The following POLRMT variants were observed in gnomAD, a reference collection of about 807,000 sequenced individuals.
POLRMT encodes the protein DNA-directed RNA polymerase, mitochondrial.
In POLRMT, 114 loss-of-function variants were observed where a neutral mutation model predicts 132.2. The ratio of observed to expected loss-of-function variants is 0.86; its 90% CI spans 0.74 to 1.01. The LOEUF (loss-of-function observed/expected upper bound fraction) is 1.01. Ranked by LOEUF, POLRMT falls within the 50% of genes least tolerant of loss-of-function variation. The pLI is 0.00. For missense variants in POLRMT, 2,003 were observed against 1,729.1 expected (o/e 1.16, Z -2.81); for synonymous variants, 1,020 against 773.4 (o/e 1.32, Z -5.29).
intron 2 of POLRMT, among the ~76,000 whole-genome samples, chr19:631,763 G>A (rs1483223604): frequency 6.6e-6 from 1 of 152,156 alleles, no homozygotes; most frequent in African/African-American, 2.4e-5. Context: ...TTGTTTTTGA[G>A]ATGGAATTTC....
Position 621,615 on chromosome 19 carries a change from C to T in POLRMT, c.2083G>A (p.Ala695Thr), listed in dbSNP as rs1471703426. 4.6e-6 allele frequency: 7 copies of T among 1,513,874 alleles called. No homozygotes were observed. The highest frequency in any genetic ancestry group is 1.2e-5 in the South Asian group (1 of 80,246). 93.8% of individuals were successfully genotyped at this position (1,513,874 alleles called of 1,614,324 possible). A position where few individuals can be genotyped will look rare whatever the true frequency, so the allele number is the denominator to read the frequency against. Residue 695 changes from alanine (A) to threonine (T), a missense_variant, in exon 10 of 21, where the codon GCA (alanine) becomes ACA (threonine). By Grantham distance (58) the Ala-to-Thr change is moderately conservative. Coordinates refer to ENST00000588649, the MANE Select transcript of POLRMT (RefSeq NM_005035.4). ...CCCAGTTGGGTGAGGGCGTCCAGTGCGCCATGCAGCGCGGTGGGCGGGCAG... is the reference window on the plus strand; with the variant it reads ...CCCAGTTGGGTGAGGGCGTCCAGTGTGCCATGCAGCGCGGTGGGCGGGCAG... ...ETCPPTALHG[A>T]LDALTQLGNC...
intron 11 of POLRMT, 42 bp downstream of exon 11, chr19:620,323 T>TGCAC (rs1568165241): frequency 1.3e-6 from 2 of 1,521,520 alleles, no homozygotes; most frequent in Non-Finnish European, 1.8e-6. Flanking sequence ...CCAGGCCCAG[T>TGCAC]GCACACTGCA....
intron 7 of POLRMT, 29 bp downstream of exon 7, chr19:622,792 G>C (rs545814555): frequency 1.3e-5 from 21 of 1,573,142 alleles, no homozygotes; most frequent in African/African-American, 4.1e-5. Context: ...GCCCCGCCCG[G>C]GGACCCGGCC....
intron 13 of POLRMT, 125 bp downstream of exon 13, chr19:619,461 C>T (rs1375071544): frequency 4.3e-6 from 6 of 1,409,116 alleles, no homozygotes; most frequent in Non-Finnish European, 5.9e-6. Flanking sequence ...CAAGCCCTAA[C>T]AGGCAGCCAG....
At position 622,530 on chromosome 19, in the gene POLRMT, G is replaced by C. The variant is rs1023565934; in HGVS notation, c.1626+52C>G. 2.6e-6 allele frequency: 4 copies of C among 1,531,560 alleles called. No homozygotes were observed. In the Admixed American group the frequency reaches 5.9e-5, roughly 23 times the overall value. The allele number at this position is 1,531,560 out of a possible 1,614,324, so 94.9% of individuals were successfully genotyped here. A position where few individuals can be genotyped will look rare whatever the true frequency, so the allele number is the denominator to read the frequency against. ...AACCCGGCTGCTCCAGGGAGGGAGA[G>C]CGCCCACCCACCACTGGCCCCAGCC... is the stretch of plus-strand genomic sequence containing the variant. On this transcript the variant is annotated intron_variant, in intron 8 of 20. Transcript: ENST00000588649.
At position 619,160 on chromosome 19, in the gene POLRMT, G is replaced by A. The variant is rs368169233; in HGVS notation, c.3153+50C>T. 1.6e-5 allele frequency: 26 copies of A among 1,609,508 alleles called. No individual in the cohort carries two copies. The Middle Eastern group carries it at 5.0e-4, about 31-fold the overall frequency. On this transcript the variant is annotated intron_variant, in intron 14 of 20. Transcript: ENST00000588649. ...GCAGGGGGCTCAGGCCGGGGATCCC[G>A]TCCACTTGCTTAGGGAGTCCTGGCC...
rs1004516760 is a variant in POLRMT, at chr19:618,483, C to G, written c.3422+5G>C. 6.3e-7 allele frequency: 1 copy of G among 1,593,728 alleles called. No individual in the cohort carries two copies. Among genetic ancestry groups the G allele is most frequent in the African/African-American group, 1.3e-5 (1 of 74,462 alleles). Reference sequence around the variant, plus strand: ...GCGGCACCCACGCCGTCCGGAGACGCCCACCTGTAGCAGTGCAGGGCGGTG... The same window carrying G: ...GCGGCACCCACGCCGTCCGGAGACGGCCACCTGTAGCAGTGCAGGGCGGTG... On this transcript the variant is annotated splice_donor_5th_base_variant and intron_variant, in intron 17 of 20. Coordinates refer to ENST00000588649, the MANE Select transcript of POLRMT (RefSeq NM_005035.4).
chr19:628,733 G>A (rs1468038654), intron 3 of POLRMT, among the ~76,000 whole-genome samples: 10 of 152,236 alleles, frequency 6.6e-5, no homozygotes, highest in South Asian at 2.1e-4. Flanking sequence ...GGCCGGATAC[G>A]GTGGCTCACG....
At position 633,530 on chromosome 19, in the gene POLRMT, G is replaced by GCGCCGCCGCCGCCC. The variant is rs769743605; in HGVS notation, c.-19_-18insGGGCGGCGGCGGCG. 1 of 1,319,224 alleles carries GCGCCGCCGCCGCCC rather than the reference G, an allele frequency of 7.6e-7. No homozygotes were observed. Among genetic ancestry groups the GCGCCGCCGCCGCCC allele is most frequent in the African/African-American group, 3.7e-5 (1 of 26,842 alleles). 81.7% of individuals were successfully genotyped at this position (1,319,224 alleles called of 1,614,324 possible). On this transcript the variant is annotated 5_prime_UTR_variant, in exon 1 of 21. Coordinates refer to ENST00000588649, the MANE Select transcript of POLRMT (RefSeq NM_005035.4). ...GCCGACATTACGCACGCCGCTCCAG[G>GCGCCGCCGCCGCCC]CCACCCCACCGGCCCGCGCCTGCGC...
intron 13 of POLRMT, 26 bp downstream of exon 13, chr19:619,552 CCAACGTGT>C (rs747539108): frequency 6.2e-7 from 1 of 1,609,716 alleles, no homozygotes; most frequent in Non-Finnish European, 8.5e-7. Context: ...GGCAGTGAAA[CCAACGTGT>C]TCGCAGCGCG....
At chr19:620,911 AGG>A in intron 10 of POLRMT, 145 bp downstream of exon 10, 5 of 74,158 alleles carry the variant, frequency 6.7e-5, no homozygotes, top group East Asian at 3.3e-4. Context: ...GGAGGGGAGG[AGG>A]AAGACGGGCA....
rs1377593972 is a variant in POLRMT, at chr19:617,643, G to C, written c.3508C>G (p.Gln1170Glu). The change falls in exon 19 of 21, where the codon CAG becomes GAG. Residue 1170 changes from glutamine (Q) to glutamate (E), a missense_variant. Transcript: ENST00000588649. ...GGCTCGCTGTGCAAGCGGACAAACT[G>C]CTCCCGGCACACCTGGGCAGGAGTC... ...VSVMNQVCRE[Q>E]FVRLHSEPIL... 1 of 1,612,350 alleles carries C rather than the reference G, an allele frequency of 6.2e-7. No homozygotes were observed. Among genetic ancestry groups the C allele is most frequent in the Non-Finnish European group, 8.5e-7 (1 of 1,179,974 alleles).
chr19:620,561 G>T (rs936079650), intron 10 of POLRMT, 74 bp from the exon 11 acceptor site: 1 of 1,449,016 alleles, frequency 6.9e-7, no homozygotes. Flanking sequence ...TGTGTTGCGG[G>T]GAGGTGGGAA....
intron 5 of POLRMT, among the ~76,000 whole-genome samples, chr19:623,921 A>G (rs1984829839): frequency 6.6e-6 from 1 of 152,198 alleles, no homozygotes; most frequent in Non-Finnish European, 1.5e-5. Context: ...TTTTCTCCTC[A>G]AACTCAGAAC....
intron 1 of POLRMT, 169 bp downstream of exon 1, chr19:633,256 A>G (rs1188288132): frequency 1.2e-6 from 1 of 819,964 alleles, no homozygotes; most frequent in Admixed American, 3.6e-5. Flanking sequence ...TGCACGGAGG[A>G]GCCTCAGTCG....
chr19:618,799 C>T (rs1364593733), intron 15 of POLRMT, 39 bp from the exon 16 acceptor site: 44 of 1,561,492 alleles, frequency 2.8e-5, no homozygotes, highest in Non-Finnish European at 3.6e-5. Flanking sequence ...CACCCGAGGC[C>T]CAGCACGGTG....
At position 619,014 on chromosome 19, in the gene POLRMT, G is replaced by A. The variant is rs764189543; in HGVS notation, c.3250C>T (p.Leu1084=). The stretch of plus-strand genomic sequence containing the variant: ...ACACTGACCTTGACCTTGGAGTCCA[G>A]GCGATAGGGCTGGATGACGGGGACG... ...LGVPVIQPYR[L]DSKVKQIGGG... The change falls in exon 15 of 21, where the codon CTG becomes TTG. Residue 1084 remains leucine, a synonymous_variant. Transcript: ENST00000588649. The A allele has an allele frequency of 2.5e-6, 4 of 1,590,900 alleles. No homozygotes were observed. The highest frequency in any genetic ancestry group is 2.2e-5 in the South Asian group (2 of 89,040).
rs748969595 is a variant in POLRMT, at chr19:621,187, G to A, written c.2511C>T (p.Gly837=). ...FAQGRPLGPH[G]LDWLKIHLVN... is the part of the protein sequence containing the mutation. ...CCAGGTGGATCTTGAGCCAATCCAG[G>A]CCGTGCGGGCCGAGCGGGCGGCCCT... The change falls in exon 10 of 21, where the codon GGC becomes GGT. Residue 837 remains glycine, a synonymous_variant. Transcript: ENST00000588649. 5 of 1,610,626 alleles carry A rather than the reference G, an allele frequency of 3.1e-6. No individual in the cohort carries two copies. In the South Asian group the frequency reaches 4.4e-5, roughly 14 times the overall value.
chr19:633,461 G>T lies in POLRMT; in HGVS notation c.52C>A (p.Arg18=). The T allele has an allele frequency of 6.4e-7, 1 of 1,564,128 alleles. No individual in the cohort carries two copies. The highest frequency in any genetic ancestry group is 8.7e-7 in the Non-Finnish European group (1 of 1,156,060). The part of the protein sequence containing the change: ...RGAAGLKRAL[R]PCGRPGLPGK... ...GGGAGTCCCGGGCGGCCGCAAGGCC[G>T]TAGGGCTCGTTTGAGCCCCGCCGCT... is the stretch of plus-strand genomic sequence containing the variant. Residue 18 remains arginine (R), a synonymous_variant, in exon 1 of 21, where the codon CGG becomes AGG. Coordinates refer to ENST00000588649, the MANE Select transcript of POLRMT (RefSeq NM_005035.4).
Sources: gnomAD v4.1 joint callset for allele counts (sites outside exome capture counted in the v4.1 genomes callset) on GRCh38, gnomAD v4.1.1 for gene constraint, MANE v1.5 for transcripts, NCBI Gene and HGNC (gene_info 2026-07-23, HGNC 2026-07-21) for gene names.